The following ATRN variants were observed in gnomAD, a reference collection of about 807,000 sequenced individuals.
The protein encoded by ATRN is attractin-2.
In ATRN, 54 loss-of-function variants were observed where a neutral mutation model predicts 178.7. The ratio of observed to expected loss-of-function variants is 0.30; its 90% CI spans 0.24 to 0.38. The LOEUF is 0.38. ATRN is among the 10% of genes least tolerant of loss of function. The pLI, the probability that ATRN is intolerant of heterozygous loss-of-function variation, is 1.00. For synonymous variants in ATRN, 636 were observed against 663.0 expected, an observed-to-expected ratio of 0.96 and a Z score of 0.63; for missense variants, 1,443 against 1,815.1, an observed-to-expected ratio of 0.79 and a Z score of 3.73.
At chr20:3,518,633 A>G (rs1173584849) in intron 1 of ATRN, among the ~76,000 whole-genome samples, 5 of 152,220 alleles carry the variant, frequency 3.3e-5, no homozygotes, top group Non-Finnish European at 7.3e-5. Context: ...AACTCTTATT[A>G]AAAAGTAGAT....
At chr20:3,601,867 TAAA>T (rs77232797) in intron 23 of ATRN, among the ~76,000 whole-genome samples, 5 of 117,654 alleles carry the variant, frequency 4.2e-5, no homozygotes, top group Admixed American at 8.8e-5. Context: ...CCCATCTCTT[TAAA>T]AAAAAAAAAA....
intron 7 of ATRN, among the ~76,000 whole-genome samples, 183 bp downstream of exon 7, chr20:3,559,666 GATTTTA>G (rs1457017383): frequency 6.6e-6 from 1 of 152,172 alleles, no homozygotes; most frequent in Admixed American, 6.6e-5. Flanking sequence ...TAACTCAAGA[GATTTTA>G]ATGGCTTCAA....
chr20:3,570,882 T>C lies in ATRN; in HGVS notation c.1872-1849T>C, dbSNP rs539081708. On this transcript the variant is annotated intron_variant, in intron 11 of 28. Transcript: ENST00000262919. ...TTGCTCCTGGGTTGGCTGTTGTTTC[T>C]AGGTTTTTTAAGAAGGCAGGTTAAA... 2.6e-5 allele frequency among the ~76,000 whole-genome samples: 4 copies of C among 152,360 alleles called. No homozygotes were observed. The East Asian group carries it at 5.8e-4, about 22-fold the overall frequency.
intron 1 of ATRN, among the ~76,000 whole-genome samples, chr20:3,488,849 G>A (rs535576501): frequency 6.6e-6 from 1 of 152,160 alleles, no homozygotes; most frequent in South Asian, 2.1e-4. Flanking sequence ...CCACAAACAT[G>A]GTATATACCT....
intron 1 of ATRN, among the ~76,000 whole-genome samples, chr20:3,473,765 T>A (rs1477584994): frequency 1.3e-5 from 2 of 152,088 alleles, no homozygotes; most frequent in East Asian, 1.9e-4. Context: ...CATAGCAAGA[T>A]CAATCTGTAA....
intron 1 of ATRN, among the ~76,000 whole-genome samples, chr20:3,477,196 C>A (rs1325772386): frequency 6.6e-5 from 7 of 105,652 alleles, no homozygotes; most frequent in African/African-American, 2.7e-4. Context: ...GGGCCCAGAG[C>A]ATAGTTCACA....
chr20:3,595,220 G>C (rs2086510780), intron 20 of ATRN, among the ~76,000 whole-genome samples: 1 of 152,190 alleles, frequency 6.6e-6, no homozygotes, highest in Admixed American at 6.5e-5. Flanking sequence ...TTGGTGTCCT[G>C]GTAGGTTGAA....
At chr20:3,601,392 G>A (rs1400922299) in intron 23 of ATRN, among the ~76,000 whole-genome samples, 4 of 151,964 alleles carry the variant, frequency 2.6e-5, no homozygotes, top group African/African-American at 7.3e-5. Context: ...TTCGTGCTTC[G>A]GAAGTGAAAA....
At chr20:3,644,970 A>G (rs1307872016) in intron 28 of ATRN, among the ~76,000 whole-genome samples, 1 of 152,246 alleles carries the variant, frequency 6.6e-6, no homozygotes, top group Non-Finnish European at 1.5e-5. Flanking sequence ...ATAGCCTACT[A>G]CATAATATTT....
intron 27 of ATRN, among the ~76,000 whole-genome samples, chr20:3,643,514 AAAAAG>A (rs1387925672): frequency 6.6e-6 from 1 of 152,088 alleles, no homozygotes; most frequent in East Asian, 1.9e-4. Flanking sequence ...CTTTAAAAAA[AAAAAG>A]GAAAGGAAAG....
chr20:3,567,142 A>T (rs1418342056), intron 11 of ATRN, among the ~76,000 whole-genome samples: 1 of 152,178 alleles, frequency 6.6e-6, no homozygotes, highest in African/African-American at 2.4e-5. Context: ...TATAAATCAT[A>T]ATCTTGAACT....
At chr20:3,561,636 C>G (rs1309307895) in intron 8 of ATRN, among the ~76,000 whole-genome samples, 1 of 152,018 alleles carries the variant, frequency 6.6e-6, no homozygotes, top group African/African-American at 2.4e-5. Flanking sequence ...AGTAGGAATA[C>G]CAGGTATAAT....
chr20:3,507,993 G>A (rs982315667), intron 1 of ATRN, among the ~76,000 whole-genome samples: 22 of 151,836 alleles, frequency 1.4e-4, no homozygotes, highest in Non-Finnish European at 2.4e-4. Flanking sequence ...ATGAGCCACC[G>A]CGCCTGGTGA....
chr20:3,563,152 C>G, intron 9 of ATRN, 57 bp from the exon 10 acceptor site: 1 of 1,478,892 alleles, frequency 6.8e-7, no homozygotes, highest in Non-Finnish European at 9.3e-7. Context: ...TTAGCAGATA[C>G]ATAAATATTC....
intron 24 of ATRN, among the ~76,000 whole-genome samples, chr20:3,617,877 T>G (rs2086864518): frequency 6.6e-6 from 1 of 152,058 alleles, no homozygotes; most frequent in Admixed American, 6.5e-5. Flanking sequence ...GTGGACAGTC[T>G]CTAGAACACT....
intron 24 of ATRN, among the ~76,000 whole-genome samples, chr20:3,622,751 AAG>A (rs2086906165): frequency 2.0e-5 from 3 of 152,340 alleles, no homozygotes; most frequent in Non-Finnish European, 2.9e-5. Flanking sequence ...AGATTCAACT[AAG>A]AGGATCCCTT....
intron 1 of ATRN, among the ~76,000 whole-genome samples, chr20:3,530,276 C>T (rs2085434214): frequency 6.8e-6 from 1 of 146,736 alleles, no homozygotes; most frequent in Admixed American, 6.8e-5. Context: ...ATGTTTTTTT[C>T]TTTTGGAGAC....
At position 3,591,943 on chromosome 20, in the gene ATRN, C is replaced by T. The variant is rs141379486; in HGVS notation, c.3322+637C>T. 5.8e-3 allele frequency among the ~76,000 whole-genome samples: 889 copies of T among 152,338 alleles called. 8 individuals carry two copies. Among genetic ancestry groups the T allele is most frequent in the African/African-American group, 0.019 (804 of 41,574 alleles). On this transcript the variant is annotated intron_variant, in intron 19 of 28. Transcript: ENST00000262919. ...CCGTGAGGTAGACCTGAGTCCTTAA[C>T]TGCACCTCTCTCAGAGCCCCACACT... is the stretch of plus-strand genomic sequence containing the variant.
At chr20:3,569,862 G>A (rs1168611125) in intron 11 of ATRN, among the ~76,000 whole-genome samples, 1 of 152,142 alleles carries the variant, frequency 6.6e-6, no homozygotes, top group Non-Finnish European at 1.5e-5. Context: ...CTTGAGTCCA[G>A]GAGTTCAACA....
Sources: allele counts gnomAD v4.1 joint callset (sites outside exome capture counted in the v4.1 genomes callset), GRCh38; gene constraint gnomAD v4.1.1; transcripts MANE v1.5; gene names NCBI Gene and HGNC (gene_info 2026-07-23, HGNC 2026-07-21).